The following MAGI1 variants were observed in gnomAD, a reference collection of about 807,000 sequenced individuals.
The protein encoded by MAGI1 is membrane-associated guanylate kinase, WW and PDZ domain-containing protein 1.
MAGI1 carries 58 observed loss-of-function variants against 139.9 expected under a neutral mutation model. That is an observed-to-expected ratio of 0.41 (90% confidence interval 0.34 to 0.52). The LOEUF (loss-of-function observed/expected upper bound fraction) is 0.52. MAGI1 is among the 20% of genes least tolerant of loss of function. The pLI is 0.12. For synonymous variants in MAGI1, 812 were observed against 737.9 expected (o/e 1.10, Z -1.63); for missense variants, 1,874 against 1,901.6 (o/e 0.99, Z 0.27).
At chr3:65,433,545 A>G (rs572917958) in intron 10 of MAGI1, among the ~76,000 whole-genome samples, 28 of 152,306 alleles carry the variant, frequency 1.8e-4, no homozygotes, top group African/African-American at 6.7e-4. Flanking sequence ...CCCCATAAGC[A>G]GTGGAATTTG....
intron 1 of MAGI1, among the ~76,000 whole-genome samples, chr3:65,930,213 G>C (rs377176638): frequency 7.3e-5 from 11 of 150,354 alleles, no homozygotes; most frequent in African/African-American, 1.2e-4. Flanking sequence ...CTACTCAGGG[G>C]GCTGAGGCAG....
chr3:65,402,521 C>T (rs902782906), intron 12 of MAGI1, among the ~76,000 whole-genome samples: 1 of 152,120 alleles, frequency 6.6e-6, no homozygotes. Context: ...TTTCTTTGGG[C>T]AGGAGTTAGA....
chr3:65,433,225 C>G (rs1345333584), intron 10 of MAGI1, among the ~76,000 whole-genome samples: 1 of 152,038 alleles, frequency 6.6e-6, no homozygotes, highest in Non-Finnish European at 1.5e-5. Context: ...TTTATCATGT[C>G]TTTGAGAAGG....
intron 1 of MAGI1, among the ~76,000 whole-genome samples, chr3:65,795,482 A>G (rs756913764): frequency 1.3e-5 from 2 of 152,294 alleles, no homozygotes; most frequent in Non-Finnish European, 2.9e-5. Context: ...TTGAAATGAT[A>G]AAATTGTAGA....
At position 66,038,354 on chromosome 3, in the gene MAGI1, G is replaced by GC; in HGVS notation, c.-47dup. 8.0e-6 allele frequency: 12 copies of GC among 1,508,734 alleles called. No individual in the cohort carries two copies. Among genetic ancestry groups the GC allele is most frequent in the Non-Finnish European group, 9.7e-6 (11 of 1,132,128 alleles). The allele number at this position is 1,508,734 out of a possible 1,614,324, so 93.5% of individuals were successfully genotyped here. On this transcript the variant is annotated 5_prime_UTR_variant, in exon 1 of 23. Transcript: ENST00000402939. ...CAAAAAAATAAAACGAGAGACAGGT[G>GC]CCCCCCACAGCACGAGCCCCCAAGC...
At chr3:65,425,005 G>A (rs956329631) in intron 12 of MAGI1, among the ~76,000 whole-genome samples, 4 of 149,916 alleles carry the variant, frequency 2.7e-5, no homozygotes, top group African/African-American at 9.8e-5. Flanking sequence ...AAGCCCAGGA[G>A]TTTGAGGTTG....
chr3:65,775,161 T>C (rs963187260), intron 1 of MAGI1, among the ~76,000 whole-genome samples: 13 of 152,116 alleles, frequency 8.5e-5, no homozygotes, highest in Non-Finnish European at 1.9e-4. Context: ...CAAAGTATTT[T>C]CAGGCTGGGC....
intron 3 of MAGI1, among the ~76,000 whole-genome samples, chr3:65,481,899 T>C (rs551270490): frequency 3.3e-5 from 5 of 152,352 alleles, no homozygotes; most frequent in Non-Finnish European, 5.9e-5. Flanking sequence ...GTTAATGCAA[T>C]TACAAACAAC....
Position 65,585,990 on chromosome 3 carries a change from C to T in MAGI1, c.430+35982G>A, listed in dbSNP as rs557839306. On this transcript the variant is annotated intron_variant, in intron 2 of 22. Coordinates refer to ENST00000402939, the MANE Select transcript of MAGI1 (RefSeq NM_001033057.2). Reference sequence around the variant, plus strand: ...TGGGAGGCTGAAGCAGGAGGATCAGCGGAGCCCAGGAGTTCGAGACCAGCC... The same window carrying T: ...TGGGAGGCTGAAGCAGGAGGATCAGTGGAGCCCAGGAGTTCGAGACCAGCC... Among the ~76,000 whole-genome samples the T allele has an allele frequency of 5.3e-5, 8 of 152,154 alleles. No individual in the cohort carries two copies. In the East Asian group the frequency reaches 1.4e-3, roughly 26 times the overall value.
chr3:65,916,712 A>G (rs1054915380), intron 1 of MAGI1, among the ~76,000 whole-genome samples: 40 of 152,266 alleles, frequency 2.6e-4, no homozygotes, highest in Middle Eastern at 3.4e-3. Flanking sequence ...TGCTGAGATT[A>G]CAGATGTGAG....
intron 1 of MAGI1, among the ~76,000 whole-genome samples, chr3:65,967,820 T>C (rs1019777743): frequency 6.6e-6 from 1 of 152,112 alleles, no homozygotes; most frequent in Non-Finnish European, 1.5e-5. Context: ...CTTGAAGACC[T>C]CCCAGGGGAT....
chr3:65,986,590 G>A (rs1156908504), intron 1 of MAGI1, among the ~76,000 whole-genome samples: 1 of 152,164 alleles, frequency 6.6e-6, no homozygotes, highest in Non-Finnish European at 1.5e-5. Context: ...ATGTGTGCAG[G>A]CCTTACCAGG....
At chr3:65,741,253 C>T (rs986266368) in intron 1 of MAGI1, among the ~76,000 whole-genome samples, 24 of 151,956 alleles carry the variant, frequency 1.6e-4, no homozygotes, top group African/African-American at 5.8e-4. Flanking sequence ...CGGCTCACTG[C>T]AACCTCCGCC....
intron 1 of MAGI1, among the ~76,000 whole-genome samples, chr3:65,979,890 AC>A (rs1168608748): frequency 6.6e-6 from 1 of 152,186 alleles, no homozygotes; most frequent in Non-Finnish European, 1.5e-5. Flanking sequence ...ATTAAGCAGC[AC>A]CCTGGACTCC....
chr3:65,950,959 A>AGAAGGAAGGAAGGAAGGAAGGAAGGAAG (rs146952878), intron 1 of MAGI1, among the ~76,000 whole-genome samples: 4 of 58,602 alleles, frequency 6.8e-5, no homozygotes, highest in Admixed American at 2.0e-4. Flanking sequence ...GAGAAGAAAG[A>AGAAGGAAGGAAGGAAGGAAGGAAGGAAG]GAAGGAAGGA....
intron 1 of MAGI1, among the ~76,000 whole-genome samples, chr3:65,921,910 CACACACACG>C (rs1159956555): frequency 7.5e-5 from 10 of 132,764 alleles, no homozygotes; most frequent in Non-Finnish European, 1.6e-4. Flanking sequence ...TATCTCCAAC[CACACACACG>C]ACACACACAC....
chr3:65,839,973 C>G (rs77547267), intron 1 of MAGI1, among the ~76,000 whole-genome samples: 7 of 152,054 alleles, frequency 4.6e-5, no homozygotes, highest in Non-Finnish European at 7.4e-5. Context: ...CATACTAAAT[C>G]TGGTATATAT....
chr3:65,378,001 G>A (rs75219829), intron 17 of MAGI1, among the ~76,000 whole-genome samples: 2,432 of 152,276 alleles, frequency 0.016, 29 homozygotes, highest in Middle Eastern at 0.058. Flanking sequence ...GTCATTCAGG[G>A]ATAGAGCTGA....
At chr3:65,704,895 A>G (rs1398823986) in intron 1 of MAGI1, among the ~76,000 whole-genome samples, 1 of 151,848 alleles carries the variant, frequency 6.6e-6, no homozygotes, top group Non-Finnish European at 1.5e-5. Context: ...CCTTCCCAAT[A>G]ATCCCTATTT....
Sources: allele counts gnomAD v4.1 joint callset (sites outside exome capture counted in the v4.1 genomes callset), GRCh38; gene constraint gnomAD v4.1.1; transcripts MANE v1.5; gene names NCBI Gene and HGNC (gene_info 2026-07-23, HGNC 2026-07-21).